The following BRK1 variants were observed in gnomAD, a reference collection of about 807,000 sequenced individuals.
BRK1 encodes the protein BRICK1 subunit of SCAR/WAVE actin nucleating complex, also known as protein BRICK1.
BRK1 carries 6 observed loss-of-function variants against 9.9 expected under a neutral mutation model. The observed-to-expected ratio is 0.60, with a 90% CI of 0.33 to 1.19. The LOEUF is 1.19. Among genes scored for constraint, BRK1 ranks in the 50% most tolerant of loss-of-function variants. BRK1 has a pLI of 0.04. For missense variants in BRK1, 62 were observed against 97.5 expected (o/e 0.64, Z 1.53); for synonymous variants, 44 against 31.9 (o/e 1.38, Z -1.28).
rs756307171 is a variant in BRK1, at chr3:10,117,393, C to CT, written c.118+1594dup. Among the ~76,000 whole-genome samples, 18,873 of 118,644 alleles carry CT rather than the reference C, an allele frequency of 0.16. 2,007 individuals are homozygous for CT. Among genetic ancestry groups the CT allele is most frequent in the African/African-American group, 0.24 (7,544 of 30,812 alleles). The allele number at this position is 118,644 out of a possible 152,430, so 77.8% of individuals were successfully genotyped here. A position where few individuals can be genotyped will look rare whatever the true frequency, so the allele number is the denominator to read the frequency against. The stretch of plus-strand genomic sequence containing the variant: ...CTTTATTTGGGCTTTTCAACAAATT[C>CT]TTTTTTTTTTTTTTTTTTTTGAGAC... On this transcript the variant is annotated intron_variant, in intron 1 of 2. Coordinates refer to ENST00000530758, the MANE Select transcript of BRK1 (RefSeq NM_018462.5).
In BRK1 at chr3:10,125,669, G is replaced by A. The variant is rs1575909620; in HGVS notation, c.162G>A (p.Leu54=). The change falls in exon 2 of 3, where the codon TTG becomes TTA. Residue 54 remains leucine, a synonymous_variant. Coordinates refer to ENST00000530758, the MANE Select transcript of BRK1 (RefSeq NM_018462.5). ...GACTTGCAACACTAAACGAGAAATT[G>A]ACAGCCCTTGAACGGAGAATAGAGT... The part of the protein sequence containing the change: ...RSRLATLNEK[L]TALERRIEYI... 6.2e-7 allele frequency: 1 copy of A among 1,613,074 alleles called. No individual in the cohort carries two copies. The highest frequency in any genetic ancestry group is 2.2e-5 in the East Asian group (1 of 44,874).
intron 1 of BRK1, among the ~76,000 whole-genome samples, chr3:10,124,021 C>T (rs1015145554): frequency 7.9e-5 from 12 of 152,110 alleles, no homozygotes; most frequent in East Asian, 2.0e-4. Flanking sequence ...AGGCGTGAGC[C>T]ATCACGCCCA....
intron 1 of BRK1, among the ~76,000 whole-genome samples, chr3:10,119,594 AATGACTTTCTGAAAAGC>A (rs1695730888): frequency 6.6e-6 from 1 of 152,226 alleles, no homozygotes; most frequent in Non-Finnish European, 1.5e-5. Context: ...TAAGATAGTG[AATGACTTTCTGAAAAGC>A]ATTTACCTTG....
intron 2 of BRK1, 105 bp downstream of exon 2, chr3:10,125,813 G>A (rs938148174): frequency 1.9e-5 from 15 of 794,406 alleles, no homozygotes; most frequent in South Asian, 3.4e-5. Context: ...AGCACTGGCC[G>A]GACATGGTGG....
rs1575908945 is a variant in BRK1 at position 10,124,698 on chromosome 3, C to T, written c.119-928C>T. 2.0e-5 allele frequency among the ~76,000 whole-genome samples: 3 copies of T among 151,958 alleles called. No homozygotes were observed. The South Asian group carries it at 6.2e-4, about 32-fold the overall frequency. The stretch of plus-strand genomic sequence containing the variant: ...GCAGGACTGCCTTCCTTTCTGGAGG[C>T]TCTAGGAGAGGGTCTAGTTCCTCGA... On this transcript the variant is annotated intron_variant, in intron 1 of 2. Coordinates refer to ENST00000530758, the MANE Select transcript of BRK1 (RefSeq NM_018462.5).
chr3:10,119,236 C>T (rs1476903031), intron 1 of BRK1, among the ~76,000 whole-genome samples: 1 of 151,710 alleles, frequency 6.6e-6, no homozygotes, highest in Non-Finnish European at 1.5e-5. Context: ...GCAGGTGAAT[C>T]ACTTGAGCTC....
At position 10,116,117 on chromosome 3, in the gene BRK1, C is replaced by A. The variant is rs960556824; in HGVS notation, c.118+298C>A. Among the ~76,000 whole-genome samples, 9 of 152,294 alleles carry A rather than the reference C, an allele frequency of 5.9e-5. No homozygotes were observed. The East Asian group carries it at 1.7e-3, about 29-fold the overall frequency. The stretch of plus-strand genomic sequence containing the variant: ...GCCCCATCCTCGCTCCGTGGTTCTT[C>A]TCCTAAGTGGTCTCCCTGCCTCCTT... On this transcript the variant is annotated intron_variant, in intron 1 of 2. Transcript: ENST00000530758.
At chr3:10,117,393 C>CTTTTTTT (rs756307171) in intron 1 of BRK1, among the ~76,000 whole-genome samples, 2 of 118,652 alleles carry the variant, frequency 1.7e-5, no homozygotes, top group Non-Finnish European at 3.5e-5. Context: ...TCAACAAATT[C>CTTTTTTT]TTTTTTTTTT....
chr3:10,117,787 C>G (rs901007265), intron 1 of BRK1, among the ~76,000 whole-genome samples: 1 of 152,108 alleles, frequency 6.6e-6, no homozygotes, highest in Non-Finnish European at 1.5e-5. Flanking sequence ...GATCATTATC[C>G]TCCCTTAAAG....
chr3:10,116,666 G>C (rs151297949), intron 1 of BRK1, among the ~76,000 whole-genome samples: 152 of 152,268 alleles, frequency 1.0e-3, no homozygotes, highest in Non-Finnish European at 1.8e-3. Context: ...AGGATATAGG[G>C]ACTAGTGTAC....
chr3:10,124,245 G>A (rs532972269), intron 1 of BRK1, among the ~76,000 whole-genome samples: 100 of 151,166 alleles, frequency 6.6e-4, no homozygotes, highest in African/African-American at 2.4e-3. Flanking sequence ...ACGAGGACAA[G>A]AGATTGAGAC....
chr3:10,124,024 C>T (rs572119977), intron 1 of BRK1, among the ~76,000 whole-genome samples: 20 of 152,060 alleles, frequency 1.3e-4, no homozygotes, highest in African/African-American at 4.8e-4. Context: ...CGTGAGCCAT[C>T]ACGCCCAGCC....
Position 10,119,143 on chromosome 3 carries a change from C to CAA in BRK1, c.118+3341_118+3342dup, listed in dbSNP as rs74416793. Among the ~76,000 whole-genome samples the CAA allele has an allele frequency of 0.047, 3,194 of 67,304 alleles. 78 individuals carry two copies. The highest frequency in any genetic ancestry group is 0.066 in the Admixed American group (379 of 5,774). 44.2% of individuals were successfully genotyped at this position (67,304 alleles called of 152,430 possible). A position where few individuals can be genotyped will look rare whatever the true frequency, so the allele number is the denominator to read the frequency against. On this transcript the variant is annotated intron_variant, in intron 1 of 2. Coordinates refer to ENST00000530758, the MANE Select transcript of BRK1 (RefSeq NM_018462.5). ...TGGGCGAAAGAGCAAGACTCCATCT[C>CAA]AAAAAAAAAAAAAAAAAAGAATTTA...
rs59622736 is a variant in BRK1 at position 10,118,252 on chromosome 3, C to CAAAAA, written c.118+2447_118+2451dup. On this transcript the variant is annotated intron_variant, in intron 1 of 2. Transcript: ENST00000530758. Reference sequence around the variant, plus strand: ...TGGGCAAAAGACGAGACTCTGTCTCCAAAAAAAAAAAAAAAAAAGATTGAC... The same window carrying CAAAAA: ...TGGGCAAAAGACGAGACTCTGTCTCCAAAAAAAAAAAAAAAAAAAAAAAGATTGAC... 0.11 allele frequency among the ~76,000 whole-genome samples: 7,589 copies of CAAAAA among 66,932 alleles called. 486 individuals carry two copies. The highest frequency in any genetic ancestry group is 0.28 in the African/African-American group (5,311 of 18,832). 43.9% of individuals were successfully genotyped at this position (66,932 alleles called of 152,430 possible). A position where few individuals can be genotyped will look rare whatever the true frequency, so the allele number is the denominator to read the frequency against.
intron 1 of BRK1, among the ~76,000 whole-genome samples, chr3:10,118,601 G>T (rs1167982130): frequency 1.3e-5 from 2 of 151,926 alleles, no homozygotes; most frequent in Admixed American, 1.3e-4. Context: ...GATTTTCTTG[G>T]CTTAGCTTCC....
intron 1 of BRK1, among the ~76,000 whole-genome samples, chr3:10,120,415 A>T (rs1203631097): frequency 1.3e-5 from 2 of 152,016 alleles, no homozygotes; most frequent in Admixed American, 1.3e-4. Flanking sequence ...GGCTGGTCTC[A>T]AACTCCTGAC....
rs1006023599 is a variant in BRK1, at chr3:10,120,174, C to T, written c.118+4355C>T. 2.0e-5 allele frequency among the ~76,000 whole-genome samples: 3 copies of T among 151,712 alleles called. No individual in the cohort carries two copies. In the East Asian group the frequency reaches 5.8e-4, roughly 29 times the overall value. On this transcript the variant is annotated intron_variant, in intron 1 of 2. Coordinates refer to ENST00000530758, the MANE Select transcript of BRK1 (RefSeq NM_018462.5). ...CCTCCTGAGTAGCTGGGACTACAGG[C>T]ATGCGCCACCACGCCTGGCTAATTC...
chr3:10,119,004 T>C (rs945480416), intron 1 of BRK1, among the ~76,000 whole-genome samples: 1 of 151,984 alleles, frequency 6.6e-6, no homozygotes, highest in African/African-American at 2.4e-5. Context: ...TGGTTTTTTT[T>C]GTTTGTTTGT....
chr3:10,116,193 G>T (rs537273147), intron 1 of BRK1, among the ~76,000 whole-genome samples: 22 of 152,210 alleles, frequency 1.4e-4, no homozygotes, highest in African/African-American at 5.3e-4. Flanking sequence ...GTGAGCATCC[G>T]GGACCGTGTC....
Sources: allele counts gnomAD v4.1 joint callset (sites outside exome capture counted in the v4.1 genomes callset), GRCh38; gene constraint gnomAD v4.1.1; transcripts MANE v1.5; gene names NCBI Gene and HGNC (gene_info 2026-07-23, HGNC 2026-07-21).